SORCS3: variants seen among roughly 807,000 people sequenced by gnomAD.
SORCS3 encodes the protein sortilin related VPS10 domain containing receptor 3.
SORCS3 carries 57 observed loss-of-function variants against 146.3 expected under a neutral mutation model. The ratio of observed to expected loss-of-function variants is 0.39; its 90% CI spans 0.31 to 0.49. SORCS3 has a LOEUF of 0.49. SORCS3 is among the 20% of genes least tolerant of loss of function. The probability of loss-of-function intolerance (pLI) is 0.92; values close to 1 mark genes in which losing one functional copy is unlikely to be tolerated. For synonymous variants in SORCS3, 653 were observed against 618.5 expected, an observed-to-expected ratio of 1.06 and a Z score of -0.83; for missense variants, 1,341 against 1,575.5, an observed-to-expected ratio of 0.85 and a Z score of 2.52.
chr10:105,089,766 C>G lies in SORCS3; in HGVS notation c.1029-9C>G, dbSNP rs774710254. On this transcript the variant is annotated splice_polypyrimidine_tract_variant and intron_variant, in intron 5 of 26. Transcript: ENST00000369701. ...TCACTGAGCTTCTGTCTCTCCCTTC[C>G]TTTCCCAGGTCGGTGGCCGGATTGG... 1 of 1,613,632 alleles carries G rather than the reference C, an allele frequency of 6.2e-7. No homozygotes were observed. The highest frequency in any genetic ancestry group is 2.2e-5 in the East Asian group (1 of 44,858).
chr10:104,649,123 TG>T (rs2015529822), intron 1 of SORCS3, among the ~76,000 whole-genome samples: 1 of 152,212 alleles, frequency 6.6e-6, no homozygotes, highest in African/African-American at 2.4e-5. Flanking sequence ...AATTCATATT[TG>T]TGGAGAGATT....
rs115399339 is a variant in SORCS3 at position 104,875,254 on chromosome 10, G to A, written c.695+32395G>A. Among the ~76,000 whole-genome samples the A allele has an allele frequency of 1.0e-2, 1,521 of 152,320 alleles. 16 individuals are homozygous for A. The highest frequency in any genetic ancestry group is 0.035 in the African/African-American group (1,442 of 41,568). On this transcript the variant is annotated intron_variant, in intron 2 of 26. Transcript: ENST00000369701. Reference sequence around the variant, plus strand: ...AAACAATTATACCCTGACTTCTGAAGTGGGATATGCATTGCATCAAGGATG... The same window carrying A: ...AAACAATTATACCCTGACTTCTGAAATGGGATATGCATTGCATCAAGGATG...
chr10:105,114,663 C>T lies in SORCS3; in HGVS notation c.1212+9148C>T, dbSNP rs566061284. Among the ~76,000 whole-genome samples, 4 of 152,234 alleles carry T rather than the reference C, an allele frequency of 2.6e-5. 1 individual carries two copies. In the South Asian group the frequency reaches 8.3e-4, roughly 32 times the overall value. ...TGAACCTGTGGCACCCACAACCACT[C>T]ATGCAAACCCAGAACAGCTAGCTAC... is the stretch of plus-strand genomic sequence containing the variant. On this transcript the variant is annotated intron_variant, in intron 7 of 26. Coordinates refer to ENST00000369701, the MANE Select transcript of SORCS3 (RefSeq NM_014978.3).
intron 20 of SORCS3, among the ~76,000 whole-genome samples, chr10:105,238,228 C>T (rs1011183062): frequency 2.6e-5 from 4 of 152,076 alleles, no homozygotes; most frequent in Admixed American, 6.5e-5. Context: ...AAGAGCCTGT[C>T]GTTTGTGCTA....
chr10:105,001,507 T>C (rs1209323537), intron 4 of SORCS3, among the ~76,000 whole-genome samples: 1 of 152,234 alleles, frequency 6.6e-6, no homozygotes, highest in Non-Finnish European at 1.5e-5. Context: ...AATGTGCACT[T>C]AAATGTTTTT....
At chr10:105,210,383 G>A (rs1024388635) in intron 16 of SORCS3, among the ~76,000 whole-genome samples, 1 of 152,108 alleles carries the variant, frequency 6.6e-6, no homozygotes, top group African/African-American at 2.4e-5. Context: ...ATCTCTGGTT[G>A]GCTACAAGAG....
intron 1 of SORCS3, among the ~76,000 whole-genome samples, chr10:104,779,295 G>A (rs2017346458): frequency 6.6e-6 from 1 of 152,158 alleles, no homozygotes; most frequent in Admixed American, 6.5e-5. Flanking sequence ...GTCTTTTGTT[G>A]TAGCAGCCGT....
chr10:104,915,027 A>T (rs11192230), intron 2 of SORCS3, among the ~76,000 whole-genome samples: 48,999 of 151,586 alleles, frequency 0.32, 9,477 homozygotes, highest in African/African-American at 0.54. Context: ...GGGACAGGTG[A>T]ACAGTATGGC....
intron 2 of SORCS3, among the ~76,000 whole-genome samples, chr10:104,902,204 G>T (rs938237390): frequency 6.6e-6 from 1 of 152,232 alleles, no homozygotes; most frequent in Admixed American, 6.5e-5. Context: ...ACTGAAGATG[G>T]CTGATAGGAC....
intron 1 of SORCS3, among the ~76,000 whole-genome samples, chr10:104,755,089 A>G (rs1439346099): frequency 1.3e-5 from 2 of 152,218 alleles, no homozygotes; most frequent in African/African-American, 4.8e-5. Flanking sequence ...TGAAAATAGT[A>G]TTAATAGTGT....
intron 1 of SORCS3, among the ~76,000 whole-genome samples, chr10:104,729,119 T>C (rs1407391929): frequency 6.6e-6 from 1 of 152,230 alleles, no homozygotes; most frequent in Non-Finnish European, 1.5e-5. Flanking sequence ...AAAGATTCTA[T>C]AATAGATTAT....
intron 2 of SORCS3, among the ~76,000 whole-genome samples, chr10:104,896,882 G>A (rs1363123913): frequency 6.6e-6 from 1 of 152,168 alleles, no homozygotes; most frequent in Non-Finnish European, 1.5e-5. Context: ...ATGCCTCAGA[G>A]AGTCTAAAAT....
intron 7 of SORCS3, among the ~76,000 whole-genome samples, chr10:105,117,987 A>C (rs1210053608): frequency 6.6e-6 from 1 of 151,988 alleles, no homozygotes; most frequent in South Asian, 2.1e-4. Context: ...TCCAACACAG[A>C]TGCCTCTTCC....
At chr10:104,673,352 A>G (rs542408131) in intron 1 of SORCS3, among the ~76,000 whole-genome samples, 87 of 149,630 alleles carry the variant, frequency 5.8e-4, no homozygotes, top group Non-Finnish European at 9.3e-4. Context: ...CTGCATTACT[A>G]TTTTCTTTTG....
At chr10:105,041,498 C>A (rs957482792) in intron 4 of SORCS3, among the ~76,000 whole-genome samples, 2 of 144,292 alleles carry the variant, frequency 1.4e-5, no homozygotes, top group Admixed American at 1.4e-4. Flanking sequence ...TACATATATA[C>A]CTACATACAT....
At chr10:105,147,471 C>CTT (rs2056139113) in intron 8 of SORCS3, 146 bp from the exon 9 acceptor site, 1 of 589,282 alleles carries the variant, frequency 1.7e-6, no homozygotes, top group Admixed American at 3.7e-5. Context: ...TAATTTATAG[C>CTT]CTTGGTTCAA....
intron 3 of SORCS3, among the ~76,000 whole-genome samples, 161 bp from the exon 4 acceptor site, chr10:104,977,174 A>G (rs2054904026): frequency 1.3e-5 from 2 of 152,162 alleles, no homozygotes; most frequent in Admixed American, 6.5e-5. Flanking sequence ...ATGAGAGACT[A>G]AATCAGGAGA....
chr10:105,135,389 G>A (rs910838720), intron 7 of SORCS3, among the ~76,000 whole-genome samples: 3 of 152,160 alleles, frequency 2.0e-5, no homozygotes, highest in Non-Finnish European at 4.4e-5. Context: ...GAGCATGGCA[G>A]CCTGGAAGAT....
At chr10:105,237,300 T>C (rs996880312) in intron 20 of SORCS3, among the ~76,000 whole-genome samples, 2 of 151,684 alleles carry the variant, frequency 1.3e-5, no homozygotes, top group Non-Finnish European at 2.9e-5. Flanking sequence ...CTCAGTTTTA[T>C]TGTTGGTAAT....
Sources: allele counts gnomAD v4.1 joint callset (sites outside exome capture counted in the v4.1 genomes callset), GRCh38; gene constraint gnomAD v4.1.1; transcripts MANE v1.5; gene names NCBI Gene and HGNC (gene_info 2026-07-23, HGNC 2026-07-21).